EMP2: variants seen among roughly 807,000 people sequenced by gnomAD.
The protein encoded by EMP2 is epithelial membrane protein 2.
Under a neutral mutation model 13.7 loss-of-function variants are expected in EMP2, and 19 were observed. That is an observed-to-expected ratio of 1.38 (90% CI 0.97 to 2.03). The LOEUF (loss-of-function observed/expected upper bound fraction) is 2.03. Ranked by LOEUF, EMP2 falls within the 30% of genes most tolerant of loss-of-function variation. The pLI, the probability that EMP2 is intolerant of heterozygous loss-of-function variation, is 0.00. For missense variants in EMP2, 253 were observed against 220.7 expected, an observed-to-expected ratio of 1.15 and a Z score of -0.93; for synonymous variants, 97 against 84.7, an observed-to-expected ratio of 1.15 and a Z score of -0.80.
chr16:10,535,768 G>A (rs1422686580), intron 4 of EMP2, among the ~76,000 whole-genome samples: 3 of 152,128 alleles, frequency 2.0e-5, no homozygotes, highest in African/African-American at 7.2e-5. Flanking sequence ...GGTGAGGGTG[G>A]GGGGTCCACG....
intron 3 of EMP2, among the ~76,000 whole-genome samples, chr16:10,542,835 A>G (rs1352211311): frequency 1.3e-5 from 2 of 152,120 alleles, no homozygotes; most frequent in African/African-American, 4.8e-5. Flanking sequence ...TAGGAACGGA[A>G]GCCAGATCTT....
intron 1 of EMP2, among the ~76,000 whole-genome samples, chr16:10,563,047 G>A (rs997460475): frequency 1.3e-5 from 2 of 152,128 alleles, no homozygotes; most frequent in African/African-American, 4.8e-5. Flanking sequence ...GGTGAGGCAG[G>A]TGTCAAATGC....
chr16:10,573,128 C>A lies in EMP2; in HGVS notation c.-61+7421G>T, dbSNP rs2050959260. 2.0e-5 allele frequency among the ~76,000 whole-genome samples: 3 copies of A among 152,296 alleles called. No individual in the cohort carries two copies. In the East Asian group the frequency reaches 5.8e-4, roughly 29 times the overall value. ...GCAGTGGCACAATCTCAGCTCACTG[C>A]AGCCTCAAACTCCTGGACTCAAGCG... On this transcript the variant is annotated intron_variant, in intron 1 of 4. Transcript: ENST00000359543.
rs2050587352 is a variant in EMP2, at chr16:10,530,221, A to G, written c.*2684T>C. On this transcript the variant is annotated 3_prime_UTR_variant, in exon 5 of 5. Transcript: ENST00000359543. ...CATAGACTCCAAACTTCATGATGGC[A>G]GGGAGGATATCTGGATTTGCTCACC... 1 of 152,270 alleles carries G rather than the reference A, an allele frequency of 6.6e-6. No individual in the cohort carries two copies. Among genetic ancestry groups the G allele is most frequent in the African/African-American group, 2.4e-5 (1 of 41,464 alleles). The allele number at this position is 152,270 out of a possible 1,614,324, so 9.4% of individuals were successfully genotyped here.
At chr16:10,538,289 C>T (rs1027733126) in intron 3 of EMP2, among the ~76,000 whole-genome samples, 1 of 152,192 alleles carries the variant, frequency 6.6e-6, no homozygotes, top group African/African-American at 2.4e-5. Flanking sequence ...GGACAATCCT[C>T]GACCCCTTAT....
At chr16:10,579,480 C>A (rs1397753281) in intron 1 of EMP2, among the ~76,000 whole-genome samples, 1 of 152,038 alleles carries the variant, frequency 6.6e-6, no homozygotes, top group South Asian at 2.1e-4. Context: ...ACTATGTATA[C>A]CCAAAACTTT....
At chr16:10,558,324 G>C (rs1017276666) in intron 1 of EMP2, among the ~76,000 whole-genome samples, 1 of 152,182 alleles carries the variant, frequency 6.6e-6, no homozygotes, top group Non-Finnish European at 1.5e-5. Context: ...AGGGTGCCCA[G>C]CTGGAGTTTC....
chr16:10,540,437 C>T (rs953824480), intron 3 of EMP2, among the ~76,000 whole-genome samples: 8 of 151,942 alleles, frequency 5.3e-5, no homozygotes, highest in African/African-American at 1.9e-4. Flanking sequence ...ACCCAGAAGG[C>T]GGGGACTGCA....
intron 4 of EMP2, 42 bp from the exon 5 acceptor site, chr16:10,533,134 C>G (rs1314192843): frequency 2.0e-6 from 3 of 1,481,550 alleles, no homozygotes; most frequent in Non-Finnish European, 2.7e-6. Context: ...TCATGGACCA[C>G]AGTGCACCCT....
chr16:10,557,279 C>A (rs868090011), intron 1 of EMP2, among the ~76,000 whole-genome samples: 3 of 151,734 alleles, frequency 2.0e-5, no homozygotes, highest in Admixed American at 2.0e-4. Flanking sequence ...ATCGCCTGAA[C>A]CCGGTAGGTG....
At chr16:10,543,797 T>C in intron 2 of EMP2, 137 bp from the exon 3 acceptor site, 2 of 781,766 alleles carry the variant, frequency 2.6e-6, no homozygotes, top group Non-Finnish European at 4.4e-6. Context: ...GAGGAGCTTA[T>C]TCTAATGCAG....
chr16:10,577,366 G>A lies in EMP2; in HGVS notation c.-61+3183C>T, dbSNP rs75845546. On this transcript the variant is annotated intron_variant, in intron 1 of 4. Coordinates refer to ENST00000359543, the MANE Select transcript of EMP2 (RefSeq NM_001424.6). The stretch of plus-strand genomic sequence containing the variant: ...TGCTCAGGTGTCAGGTTACCAGCCC[G>A]GCACTCTCTCGCTGGGTGGCAGCTC... Among the ~76,000 whole-genome samples the A allele has an allele frequency of 3.1e-3, 478 of 152,226 alleles. 9 individuals are homozygous for A. In the East Asian group the frequency reaches 0.038, roughly 12 times the overall value.
At chr16:10,538,853 A>C (rs1281762164) in intron 3 of EMP2, among the ~76,000 whole-genome samples, 1 of 152,096 alleles carries the variant, frequency 6.6e-6, no homozygotes, top group Non-Finnish European at 1.5e-5. Flanking sequence ...TCTCACTCTG[A>C]CAACCAGGCT....
chr16:10,550,953 T>C lies in EMP2; in HGVS notation c.-60-3276A>G, dbSNP rs149910561. The stretch of plus-strand genomic sequence containing the variant: ...ACGCGCCACTGCACTCCAGCCTGGG[T>C]GACAGAGAGAGATTCCATCTCAAAA... On this transcript the variant is annotated intron_variant, in intron 1 of 4. Transcript: ENST00000359543. Among the ~76,000 whole-genome samples the C allele has an allele frequency of 4.6e-4, 68 of 146,252 alleles. No homozygotes were observed. In the East Asian group the frequency reaches 0.012, roughly 26 times the overall value.
At chr16:10,568,156 C>G (rs1359879012) in intron 1 of EMP2, among the ~76,000 whole-genome samples, 1 of 152,158 alleles carries the variant, frequency 6.6e-6, no homozygotes, top group African/African-American at 2.4e-5. Context: ...ACCATTGGGG[C>G]TTTACTCTAA....
At chr16:10,571,607 A>G (rs1389044930) in intron 1 of EMP2, among the ~76,000 whole-genome samples, 1 of 152,196 alleles carries the variant, frequency 6.6e-6, no homozygotes, top group Non-Finnish European at 1.5e-5. Context: ...GCAGGGGAAG[A>G]GTGACTTGGT....
Position 10,531,937 on chromosome 16 carries a change from A to T in EMP2, c.*968T>A, listed in dbSNP as rs1050665667. 5 of 154,794 alleles carry T rather than the reference A, an allele frequency of 3.2e-5. No individual in the cohort carries two copies. Among genetic ancestry groups the T allele is most frequent in the Non-Finnish European group, 5.9e-5 (4 of 68,236 alleles). The allele number at this position is 154,794 out of a possible 1,614,324, so 9.6% of individuals were successfully genotyped here. On this transcript the variant is annotated 3_prime_UTR_variant, in exon 5 of 5. Coordinates refer to ENST00000359543, the MANE Select transcript of EMP2 (RefSeq NM_001424.6). Reference sequence around the variant, plus strand: ...ACCCTGAAGGTGTCTATGAGTTCACATGGCTCAGGAATGGAGTTTTGGGGC... The same window carrying T: ...ACCCTGAAGGTGTCTATGAGTTCACTTGGCTCAGGAATGGAGTTTTGGGGC...
At chr16:10,538,470 G>C (rs72781726) in intron 3 of EMP2, among the ~76,000 whole-genome samples, 19 of 152,292 alleles carry the variant, frequency 1.2e-4, no homozygotes, top group Non-Finnish European at 2.2e-4. Context: ...CTCCATTTTA[G>C]AGAGGGATTC....
chr16:10,558,493 G>C (rs201608562), intron 1 of EMP2, among the ~76,000 whole-genome samples: 6,074 of 152,140 alleles, frequency 0.04, 198 homozygotes, highest in East Asian at 0.13. Context: ...GTGTGTGTGT[G>C]TGTGTGTGTG....
Sources: gnomAD v4.1 joint callset for allele counts (sites outside exome capture counted in the v4.1 genomes callset) on GRCh38, gnomAD v4.1.1 for gene constraint, MANE v1.5 for transcripts, NCBI Gene and HGNC (gene_info 2026-07-23, HGNC 2026-07-21) for gene names.